Variants in SERTAD2 observed in about 807,000 individuals in gnomAD.
The protein encoded by SERTAD2 is SERTA domain containing 2.
SERTAD2 carries 2 observed loss-of-function variants against 15.4 expected under a neutral mutation model. The ratio of observed to expected loss-of-function variants is 0.13; its 90% CI spans 0.05 to 0.41. The LOEUF (loss-of-function observed/expected upper bound fraction) is 0.41, where lower values mean the gene tolerates loss of function less well. Ranked by LOEUF, SERTAD2 falls within the 10% of genes least tolerant of loss-of-function variation. The pLI, the probability that SERTAD2 is intolerant of heterozygous loss-of-function variation, is 0.99. For synonymous variants in SERTAD2, 180 were observed against 178.0 expected (o/e 1.01, Z -0.09); for missense variants, 333 against 409.7 (o/e 0.81, Z 1.62).
chr2:64,640,702 AC>A (rs1233423373), intron 1 of SERTAD2, among the ~76,000 whole-genome samples: 1 of 151,750 alleles, frequency 6.6e-6, no homozygotes, highest in Non-Finnish European at 1.5e-5. Flanking sequence ...TTCCTAGGTC[AC>A]CCCGGGGCTT....
At chr2:64,641,578 A>G (rs1674779831) in intron 1 of SERTAD2, among the ~76,000 whole-genome samples, 1 of 152,186 alleles carries the variant, frequency 6.6e-6, no homozygotes. Flanking sequence ...TGAATACACG[A>G]ACAGTAAGTG....
At chr2:64,646,573 C>A (rs1049209470) in intron 1 of SERTAD2, 7 of 152,218 alleles carry the variant, frequency 4.6e-5, no homozygotes, top group African/African-American at 1.7e-4. Flanking sequence ...ACTGCAATTT[C>A]TACCTACAGC....
intron 1 of SERTAD2, among the ~76,000 whole-genome samples, chr2:64,651,955 G>A (rs949874111): frequency 2.6e-5 from 4 of 151,646 alleles, no homozygotes; most frequent in African/African-American, 9.7e-5. Flanking sequence ...AGAACAACAT[G>A]GTTATGTATA....
chr2:64,649,388 C>T (rs1415105928), intron 1 of SERTAD2, among the ~76,000 whole-genome samples: 1 of 152,220 alleles, frequency 6.6e-6, no homozygotes, highest in Admixed American at 6.5e-5. Context: ...ATGGTCTATT[C>T]AAGTGTACAT....
At chr2:64,647,716 T>C (rs1279827673) in intron 1 of SERTAD2, among the ~76,000 whole-genome samples, 1 of 151,438 alleles carries the variant, frequency 6.6e-6, no homozygotes, top group Non-Finnish European at 1.5e-5. Flanking sequence ...TAAGTCTTAC[T>C]AAAACAGGGA....
At chr2:64,640,665 C>T (rs1032707114) in intron 1 of SERTAD2, among the ~76,000 whole-genome samples, 5 of 151,958 alleles carry the variant, frequency 3.3e-5, no homozygotes, top group African/African-American at 7.3e-5. Context: ...CTGGAGTTCA[C>T]GAAAGGGGGG....
At chr2:64,645,328 GCA>G (rs1286434367) in intron 1 of SERTAD2, among the ~76,000 whole-genome samples, 2 of 152,048 alleles carry the variant, frequency 1.3e-5, no homozygotes, top group Non-Finnish European at 2.9e-5. Flanking sequence ...ATGAGACCCT[GCA>G]TTTGACGAAG....
chr2:64,651,148 T>G (rs969411219), intron 1 of SERTAD2, among the ~76,000 whole-genome samples: 2 of 152,252 alleles, frequency 1.3e-5, no homozygotes, highest in African/African-American at 4.8e-5. Flanking sequence ...GTGGTCTTGA[T>G]TCTGTTGATA....
At position 64,636,528 on chromosome 2, in the gene SERTAD2, G is replaced by A. The variant is rs576425678; in HGVS notation, c.344C>T (p.Ser115Phe). 6.9e-6 allele frequency: 11 copies of A among 1,602,686 alleles called. No homozygotes were observed. In the African/African-American group the frequency reaches 1.2e-4, roughly 18 times the overall value. The change falls in exon 2 of 2, where the codon TCC becomes TTC. Residue 115 changes from serine (S) to phenylalanine (F), a missense_variant. Ser to Phe is a radical substitution (Grantham distance 155). Around this residue, in one of 2 missense-constraint regions of SERTAD2, gnomAD observed 332 missense variants for 392.9 expected, o/e 0.84. Transcript: ENST00000313349. ...PAFSHLASPSSHPCDLGSTTP... is the reference protein window; with the variant it reads ...PAFSHLASPSFHPCDLGSTTP... ...AGTGCTTCCGAGGTCGCAGGGGTGG[G>A]AGGACGGGGACGCCAGGTGGCTGAA... is the stretch of plus-strand genomic sequence containing the variant.
In SERTAD2 at chr2:64,636,688, T is replaced by C. The variant is rs1674668863; in HGVS notation, c.184A>G (p.Thr62Ala). ...CTCAACATGTTGTTAATTAAAACGGTCTTTTGCAAGCTGGGCTCTGTCAGG... is the reference window on the plus strand; with the variant it reads ...CTCAACATGTTGTTAATTAAAACGGCCTTTTGCAAGCTGGGCTCTGTCAGG... ...RPLTEPSLQK[T>A]VLINNMLRRI... The change falls in exon 2 of 2, where the codon ACC (threonine) becomes GCC (alanine). Residue 62 changes from threonine (T) to alanine (A), a missense_variant. This residue lies in a region of SERTAD2 where 332 missense variants were observed against 392.9 expected (regional missense o/e 0.84). Transcript: ENST00000313349. The C allele has an allele frequency of 6.2e-7, 1 of 1,613,898 alleles. No individual in the cohort carries two copies. Among genetic ancestry groups the C allele is most frequent in the South Asian group, 1.1e-5 (1 of 91,072 alleles).
At chr2:64,649,848 TCTCTA>T in intron 1 of SERTAD2, among the ~76,000 whole-genome samples, 1 of 152,204 alleles carries the variant, frequency 6.6e-6, no homozygotes, top group Non-Finnish European at 1.5e-5. Flanking sequence ...CTCAGTCCAC[TCTCTA>T]CTCAGGGTGG....
At chr2:64,649,333 G>A (rs1674966100) in intron 1 of SERTAD2, among the ~76,000 whole-genome samples, 1 of 152,230 alleles carries the variant, frequency 6.6e-6, no homozygotes, top group Admixed American at 6.5e-5. Flanking sequence ...AGCGCTAAAG[G>A]CTGATCTGGA....
intron 1 of SERTAD2, among the ~76,000 whole-genome samples, chr2:64,650,285 C>T (rs1345855545): frequency 2.0e-5 from 3 of 151,690 alleles, no homozygotes; most frequent in Non-Finnish European, 4.4e-5. Context: ...TGATATTTTA[C>T]TTTAAAATTT....
rs138140032 is a variant in SERTAD2 at position 64,636,617 on chromosome 2, C to T, written c.255G>A (p.Met85Ile). The T allele has an allele frequency of 6.5e-3, 10,453 of 1,612,030 alleles. 63 individuals are homozygous for T. Among genetic ancestry groups the T allele is most frequent in the Non-Finnish European group, 7.6e-3 (8,987 of 1,178,650 alleles). The stretch of plus-strand genomic sequence containing the variant: ...TGGTGGGCTGGGAGGAGGGGGTGAA[C>T]ATGGGCCTCAGGCTGCCTTCCTGTT... ...ELKQEGSLRP[M>I]FTPSSQPTTE... Residue 85 changes from methionine (M) to isoleucine (I), a missense_variant, in exon 2 of 2, where the codon ATG (methionine) becomes ATA (isoleucine). By Grantham distance (10) the Met-to-Ile change is conservative. This residue lies in a region of SERTAD2 where 332 missense variants were observed against 392.9 expected (regional missense o/e 0.84). Coordinates refer to ENST00000313349, the MANE Select transcript of SERTAD2 (RefSeq NM_014755.3).
intron 1 of SERTAD2, among the ~76,000 whole-genome samples, chr2:64,648,085 C>A (rs1232413274): frequency 1.3e-5 from 2 of 152,146 alleles, no homozygotes; most frequent in Admixed American, 6.5e-5. Flanking sequence ...TATTGTACGG[C>A]CTAAACTTGG....
chr2:64,637,508 C>T (rs1674686108), intron 1 of SERTAD2, among the ~76,000 whole-genome samples: 1 of 152,098 alleles, frequency 6.6e-6, no homozygotes, highest in East Asian at 1.9e-4. Context: ...GTGACTGAGC[C>T]GCCGCCACTT....
intron 1 of SERTAD2, among the ~76,000 whole-genome samples, chr2:64,640,512 C>T (rs1416458179): frequency 1.3e-5 from 2 of 152,162 alleles, no homozygotes; most frequent in Non-Finnish European, 2.9e-5. Context: ...ATAACAATAG[C>T]TCTTTAACCA....
rs1358360765 is a variant in SERTAD2, at chr2:64,632,142, T to C, written c.*3785A>G. 1.3e-5 allele frequency: 2 copies of C among 152,636 alleles called. No individual in the cohort carries two copies. Among genetic ancestry groups the C allele is most frequent in the East Asian group, 3.8e-4 (2 of 5,206 alleles). The allele number at this position is 152,636 out of a possible 1,614,324, so 9.5% of individuals were successfully genotyped here. ...GCCAGAAAAGGTTAAATATACTCTT[T>C]TCATTGTTTTCAGAAAATGTATAAA... On this transcript the variant is annotated 3_prime_UTR_variant, in exon 2 of 2. Coordinates refer to ENST00000313349, the MANE Select transcript of SERTAD2 (RefSeq NM_014755.3).
Position 64,632,042 on chromosome 2 carries a change from A to C in SERTAD2, c.*3885T>G, listed in dbSNP as rs895935081. Reference sequence around the variant, plus strand: ...ACTCATTCTTAGAAACACTGAAAACAATTGTACATAAGCAGGATGCACACA... The same window carrying C: ...ACTCATTCTTAGAAACACTGAAAACCATTGTACATAAGCAGGATGCACACA... On this transcript the variant is annotated 3_prime_UTR_variant, in exon 2 of 2. Transcript: ENST00000313349. 2 of 152,638 alleles carry C rather than the reference A, an allele frequency of 1.3e-5. No homozygotes were observed. Among genetic ancestry groups the C allele is most frequent in the African/African-American group, 4.8e-5 (2 of 41,446 alleles). 9.5% of individuals were successfully genotyped at this position (152,638 alleles called of 1,614,324 possible). A position where few individuals can be genotyped will look rare whatever the true frequency, so the allele number is the denominator to read the frequency against.
Sources: allele counts gnomAD v4.1 joint callset (sites outside exome capture counted in the v4.1 genomes callset), GRCh38; gene constraint gnomAD v4.1.1; regional missense constraint gnomAD v4.1.1; transcripts MANE v1.5; gene names NCBI Gene and HGNC (gene_info 2026-07-23, HGNC 2026-07-21).